Variants in PUDP observed in about 807,000 individuals in gnomAD.
PUDP encodes pseudouridine 5'-phosphatase.
PUDP carries 8 observed loss-of-function variants against 9.4 expected under a neutral mutation model. The ratio of observed to expected loss-of-function variants is 0.85; its 90% confidence interval spans 0.50 to 1.53. PUDP has a LOEUF of 1.53. Ranked by LOEUF, PUDP falls within the 40% of genes most tolerant of loss-of-function variation. PUDP has a pLI of 0.00. For missense variants in PUDP, 188 were observed against 189.7 expected (o/e 0.99, Z 0.05); for synonymous variants, 99 against 80.7 (o/e 1.23, Z -1.22).
intron 3 of PUDP, among the ~76,000 whole-genome samples, chrX:6,892,217 G>A (rs1390074453): frequency 8.9e-6 from 1 of 112,091 alleles, no homozygotes; most frequent in Non-Finnish European, 1.9e-5. Context: ...CAAATTAAAT[G>A]TGGTGTTCCA....
chrX:6,877,863 T>C (rs1473189631), intron 3 of PUDP, among the ~76,000 whole-genome samples: 1 of 111,627 alleles, frequency 9.0e-6, no homozygotes, highest in African/African-American at 3.3e-5. Flanking sequence ...GTAATGCTGA[T>C]AAAAGCTGGC....
At chrX:6,849,148 T>C (rs1014524311) in intron 3 of PUDP, among the ~76,000 whole-genome samples, 4 of 111,279 alleles carry the variant, frequency 3.6e-5, no homozygotes, top group African/African-American at 1.3e-4. Flanking sequence ...GAATGTGACC[T>C]CTATTGGAAG....
At chrX:7,096,552 C>G (rs1459382313) in intron 2 of PUDP, among the ~76,000 whole-genome samples, 1 of 111,047 alleles carries the variant, frequency 9.0e-6, no homozygotes, top group Non-Finnish European at 1.9e-5. Flanking sequence ...AAAAAAGGCC[C>G]AGTGTGGTGG....
intron 3 of PUDP, among the ~76,000 whole-genome samples, chrX:6,941,685 AT>A (rs66738182): frequency 0.31 from 33,635 of 108,607 alleles, 4,563 homozygotes; most frequent in Non-Finnish European, 0.41. Flanking sequence ...AAAACTTGGG[AT>A]TTTTTTTTCC....
chrX:6,981,528 C>T (rs1264407060), intron 1 of PUDP, among the ~76,000 whole-genome samples: 1 of 111,714 alleles, frequency 9.0e-6, no homozygotes, highest in Admixed American at 9.5e-5. Context: ...CAGAGAGTCT[C>T]GCTTGAAAAA....
Position 6,751,163 on chromosome X carries a change from A to G in PUDP, c.*248-44697T>C, listed in dbSNP as rs1011671730. 2.7e-5 allele frequency among the ~76,000 whole-genome samples: 3 copies of G among 110,119 alleles called. No homozygotes were observed. In the Admixed American group the frequency reaches 2.9e-4, roughly 11 times the overall value. On this transcript the variant is annotated intron_variant and NMD_transcript_variant, in intron 3 of 3. Coordinates refer to the PUDP transcript ENST00000655425. ...TCTAAAAAAAAGGAAAGAAAGAAAA[A>G]AGAAAGAAAGAAAGAAAAAAAGAAA... is the stretch of plus-strand genomic sequence containing the variant.
chrX:7,046,287 A>T (rs1339470097), downstream of PUDP, among the ~76,000 whole-genome samples: 1 of 111,564 alleles, frequency 9.0e-6, no homozygotes, highest in East Asian at 2.8e-4. Context: ...TTGTAAGAAG[A>T]GGAGATGAGG....
chrX:6,822,864 C>T (rs1340105789), intron 3 of PUDP, among the ~76,000 whole-genome samples: 1 of 110,160 alleles, frequency 9.1e-6, no homozygotes, highest in Non-Finnish European at 1.9e-5. Flanking sequence ...TCACCCTCCA[C>T]TCTCAGGTAG....
intron 3 of PUDP, among the ~76,000 whole-genome samples, chrX:6,970,765 T>C (rs976800550): frequency 7.2e-5 from 8 of 111,280 alleles, no homozygotes; most frequent in African/African-American, 2.6e-4. Flanking sequence ...ATGGATAAGG[T>C]CAATAGATGT....
chrX:7,078,255 G>T (rs762268436), intron 2 of PUDP, among the ~76,000 whole-genome samples: 1 of 112,375 alleles, frequency 8.9e-6, no homozygotes, highest in Admixed American at 9.4e-5. Context: ...TAGCACAACA[G>T]GAACATCTAA....
chrX:6,721,701 A>C (rs1016720712), upstream of PUDP, among the ~76,000 whole-genome samples: 10 of 112,222 alleles, frequency 8.9e-5, no homozygotes, highest in Non-Finnish European at 1.5e-4. Flanking sequence ...TAGGTGCGTG[A>C]TGTTCACTAA....
intron 3 of PUDP, among the ~76,000 whole-genome samples, chrX:6,735,770 G>A (rs771105713): frequency 2.1e-4 from 23 of 111,145 alleles, no homozygotes; most frequent in Middle Eastern, 4.6e-3. Context: ...TTACACACTT[G>A]ATGTGTACAG....
At chrX:6,844,220 A>G (rs1187201992) in intron 3 of PUDP, among the ~76,000 whole-genome samples, 1 of 112,992 alleles carries the variant, frequency 8.9e-6, no homozygotes, top group Non-Finnish European at 1.9e-5. Context: ...TGGATACTCC[A>G]GAATCATCTT....
chrX:6,743,987 CACCCAGTGGCATCTCTTAGCT>C (rs1307995613), intron 3 of PUDP, among the ~76,000 whole-genome samples: 1 of 111,631 alleles, frequency 9.0e-6, no homozygotes, highest in Admixed American at 9.5e-5. Flanking sequence ...TAGGGAACCT[CACCCAGTGGCATCTCTTAGCT>C]ACCCCATGGA....
At chrX:6,708,898 T>G (rs1924500530) in intron 1 of PUDP, among the ~76,000 whole-genome samples, 1 of 111,858 alleles carries the variant, frequency 8.9e-6, no homozygotes, top group Non-Finnish European at 1.9e-5. Context: ...TAGTGACTAA[T>G]CTACTCAGTT....
intron 3 of PUDP, among the ~76,000 whole-genome samples, chrX:6,774,088 G>A (rs1239233286): frequency 9.0e-6 from 1 of 111,685 alleles, no homozygotes; most frequent in Non-Finnish European, 1.9e-5. Context: ...GCAGTGAGCT[G>A]AGACTGCCGC....
chrX:6,821,761 T>G (rs773347774), intron 3 of PUDP, among the ~76,000 whole-genome samples: 1 of 112,290 alleles, frequency 8.9e-6, no homozygotes, highest in South Asian at 3.7e-4. Flanking sequence ...CATGGGTGAA[T>G]GCCGGCAGCC....
Position 6,913,522 on chromosome X carries a change from T to A in PUDP, c.*247+63611A>T, listed in dbSNP as rs1012745000. 2.7e-5 allele frequency among the ~76,000 whole-genome samples: 3 copies of A among 112,128 alleles called. No individual in the cohort carries two copies. In the Admixed American group the frequency reaches 2.8e-4, roughly 11 times the overall value. On this transcript the variant is annotated intron_variant and NMD_transcript_variant, in intron 3 of 3. Coordinates refer to the PUDP transcript ENST00000655425. ...TTTTGCAAGCATAACAAAAGATTAG[T>A]GAGATAGTTATCCTTAAAATCTCTT... is the stretch of plus-strand genomic sequence containing the variant.
intron 3 of PUDP, among the ~76,000 whole-genome samples, chrX:7,065,920 T>C (rs1230675945): frequency 8.9e-6 from 1 of 112,286 alleles, no homozygotes; most frequent in Non-Finnish European, 1.9e-5. Context: ...TTGCCAATAA[T>C]CTGTGGTACT....
Sources: gnomAD v4.1 joint callset for allele counts (sites outside exome capture counted in the v4.1 genomes callset) on GRCh38, gnomAD v4.1.1 for gene constraint, MANE v1.5 for transcripts, NCBI Gene and HGNC (gene_info 2026-07-23, HGNC 2026-07-21) for gene names.